SOX5: variants seen among roughly 807,000 people sequenced by gnomAD.
SOX5 encodes the protein transcription factor SOX-5.
A neutral mutation model predicts 92.0 loss-of-function variants in SOX5; 9 were observed. That is an observed-to-expected ratio of 0.10 (90% CI 0.06 to 0.17). SOX5 has a LOEUF of 0.17. SOX5 is among the 10% of genes least tolerant of loss of function. The pLI, the probability that SOX5 is intolerant of heterozygous loss-of-function variation, is 1.00. For synonymous variants in SOX5, 344 were observed against 336.3 expected, an observed-to-expected ratio of 1.02 and a Z score of -0.25; for missense variants, 642 against 944.5, an observed-to-expected ratio of 0.68 and a Z score of 4.20.
intron 1 of SOX5, among the ~76,000 whole-genome samples, chr12:24,487,691 G>C (rs1030835719): frequency 6.6e-6 from 1 of 152,066 alleles, no homozygotes; most frequent in African/African-American, 2.4e-5. Context: ...TCAACTTTTG[G>C]AGATATTTCT....
chr12:24,204,051 A>G (rs1222450123), intron 4 of SOX5, among the ~76,000 whole-genome samples: 1 of 151,928 alleles, frequency 6.6e-6, no homozygotes, highest in Non-Finnish European at 1.5e-5. Context: ...CCCTATTCCC[A>G]TTCTCTCTAT....
Position 23,744,330 on chromosome 12 carries a change from C to T in SOX5, c.569-3291G>A, listed in dbSNP as rs368538167. Among the ~76,000 whole-genome samples the T allele has an allele frequency of 7.9e-5, 12 of 152,214 alleles. No individual in the cohort carries two copies. In the East Asian group the frequency reaches 1.4e-3, roughly 17 times the overall value. On this transcript the variant is annotated intron_variant, in intron 4 of 14. Transcript: ENST00000451604. ...TCACATTCAATGAAATAATAAGGTA[C>T]GTGCCAACCCTAAGATTGTCCCCCA...
chr12:24,051,662 T>C (rs1314740267), intron 4 of SOX5, among the ~76,000 whole-genome samples: 1 of 152,230 alleles, frequency 6.6e-6, no homozygotes, highest in Admixed American at 6.5e-5. Context: ...TTGTTTAGTA[T>C]AAGTTAGGAG....
chr12:24,355,035 A>G (rs531520980), intron 2 of SOX5, among the ~76,000 whole-genome samples: 9 of 152,314 alleles, frequency 5.9e-5, no homozygotes, highest in Admixed American at 2.0e-4. Flanking sequence ...TCGTTAATGA[A>G]GTCACAAGAT....
chr12:23,805,515 AC>A (rs2095754446), intron 3 of SOX5, among the ~76,000 whole-genome samples: 1 of 152,180 alleles, frequency 6.6e-6, no homozygotes, highest in African/African-American at 2.4e-5. Context: ...TTTCAAAGTA[AC>A]CAAAATTATT....
At chr12:23,782,398 A>G (rs1037469761) in intron 3 of SOX5, among the ~76,000 whole-genome samples, 2 of 152,184 alleles carry the variant, frequency 1.3e-5, no homozygotes, top group Non-Finnish European at 2.9e-5. Context: ...AGAGATATGC[A>G]GAAGCAGAAT....
intron 3 of SOX5, among the ~76,000 whole-genome samples, chr12:24,264,806 G>A (rs1209999947): frequency 6.6e-6 from 1 of 152,106 alleles, no homozygotes; most frequent in Non-Finnish European, 1.5e-5. Context: ...AGTGGTAGAG[G>A]GATTTGAGTT....
intron 9 of SOX5, chr12:23,584,622 T>C (rs1157369500): frequency 9.4e-6 from 15 of 1,594,454 alleles, no homozygotes; most frequent in Middle Eastern, 1.7e-4. Context: ...TAATGAGTAA[T>C]GACAGTTACG....
intron 3 of SOX5, among the ~76,000 whole-genome samples, chr12:24,276,402 GA>G (rs752119749): frequency 1.3e-5 from 2 of 152,154 alleles, no homozygotes; most frequent in Non-Finnish European, 2.9e-5. Context: ...TGTAAGAGCA[GA>G]TTTCTGAATA....
At chr12:24,363,143 A>G (rs1955787781) in intron 2 of SOX5, among the ~76,000 whole-genome samples, 1 of 152,276 alleles carries the variant, frequency 6.6e-6, no homozygotes, top group East Asian at 1.9e-4. Context: ...GTGAAATAAC[A>G]TCTACTAAAT....
intron 4 of SOX5, among the ~76,000 whole-genome samples, chr12:24,175,785 G>A (rs1273505407): frequency 6.6e-6 from 1 of 152,020 alleles, no homozygotes; most frequent in African/African-American, 2.4e-5. Context: ...GATACATCAA[G>A]AAAATAAGGA....
intron 2 of SOX5, among the ~76,000 whole-genome samples, chr12:23,890,640 T>G (rs1216071686): frequency 6.6e-6 from 1 of 152,116 alleles, no homozygotes; most frequent in East Asian, 1.9e-4. Context: ...TCTATTCCCT[T>G]CTGGTGCCCA....
intron 4 of SOX5, among the ~76,000 whole-genome samples, chr12:24,209,875 G>A (rs912081865): frequency 2.0e-5 from 3 of 150,376 alleles, no homozygotes; most frequent in Admixed American, 1.3e-4. Flanking sequence ...AAAATTAGCC[G>A]GGCGTAGTGG....
intron 1 of SOX5, among the ~76,000 whole-genome samples, chr12:24,456,721 G>A (rs1400175613): frequency 3.3e-5 from 5 of 152,050 alleles, no homozygotes; most frequent in African/African-American, 9.7e-5. Context: ...ATCTCCCTTG[G>A]CTCACCAAGT....
intron 1 of SOX5, among the ~76,000 whole-genome samples, chr12:24,545,837 G>A (rs1049439653): frequency 1.3e-4 from 20 of 152,176 alleles, no homozygotes; most frequent in Admixed American, 7.2e-4. Context: ...CCGATGTTCA[G>A]TTATAAAGGC....
intron 2 of SOX5, among the ~76,000 whole-genome samples, chr12:24,315,398 G>GT (rs1949605668): frequency 6.6e-6 from 1 of 151,898 alleles, no homozygotes; most frequent in Non-Finnish European, 1.5e-5. Flanking sequence ...GAGATTAAGA[G>GT]ATTAAAAAAC....
intron 1 of SOX5, among the ~76,000 whole-genome samples, chr12:24,376,064 C>T (rs929921664): frequency 3.9e-5 from 6 of 152,130 alleles, no homozygotes; most frequent in African/African-American, 4.8e-5. Flanking sequence ...CAGCCTGAAG[C>T]GTATTTCCTA....
intron 2 of SOX5, among the ~76,000 whole-genome samples, chr12:23,882,331 T>C (rs924327856): frequency 5.3e-5 from 8 of 151,882 alleles, no homozygotes; most frequent in African/African-American, 1.9e-4. Context: ...TGAAAAGGAA[T>C]TTTAAGTGAA....
chr12:24,446,917 C>T (rs1941565442), intron 1 of SOX5, among the ~76,000 whole-genome samples: 1 of 152,130 alleles, frequency 6.6e-6, no homozygotes, highest in Non-Finnish European at 1.5e-5. Context: ...CCTGAAGGAG[C>T]TCCCAATGGC....
Sources: gnomAD v4.1 joint callset for allele counts (sites outside exome capture counted in the v4.1 genomes callset) on GRCh38, gnomAD v4.1.1 for gene constraint, MANE v1.5 for transcripts, NCBI Gene and HGNC (gene_info 2026-07-23, HGNC 2026-07-21) for gene names.